The following L3MBTL4 variants were observed in gnomAD, a reference collection of about 807,000 sequenced individuals.
L3MBTL4 encodes L3MBTL histone methyl-lysine binding protein 4.
A neutral mutation model predicts 84.5 loss-of-function variants in L3MBTL4; 70 were observed. The ratio of observed to expected loss-of-function variants is 0.83; its 90% CI spans 0.68 to 1.01. The LOEUF (loss-of-function observed/expected upper bound fraction) is 1.01, where lower values mean the gene tolerates loss of function less well. Among genes scored for constraint, L3MBTL4 ranks in the 50% least tolerant of loss-of-function variants. L3MBTL4 has a pLI of 0.00. For synonymous variants in L3MBTL4, 274 were observed against 259.8 expected (o/e 1.05, Z -0.52); for missense variants, 715 against 754.8 (o/e 0.95, Z 0.62).
chr18:6,285,809 ATATTATTATTAT>A (rs139613072), intron 4 of L3MBTL4, among the ~76,000 whole-genome samples: 5,920 of 143,192 alleles, frequency 0.041, 359 homozygotes, highest in African/African-American at 0.13. Flanking sequence ...TTTAAAAGAT[ATATTATTATTAT>A]TATTATTATT....
At chr18:6,371,530 A>G (rs868284877) in intron 1 of L3MBTL4, among the ~76,000 whole-genome samples, 4 of 152,030 alleles carry the variant, frequency 2.6e-5, no homozygotes, top group African/African-American at 7.3e-5. Flanking sequence ...AGGAAAGCCA[A>G]CTCTGCCTGG....
chr18:6,062,886 G>T (rs535042655), intron 16 of L3MBTL4, among the ~76,000 whole-genome samples: 1 of 151,534 alleles, frequency 6.6e-6, no homozygotes, highest in East Asian at 1.9e-4. Context: ...TGGTTACATG[G>T]ATGTTTTTTA....
intron 16 of L3MBTL4, chr18:6,030,225 T>C (rs1318340226): frequency 1.1e-6 from 1 of 913,766 alleles, no homozygotes; most frequent in African/African-American, 1.8e-5. Flanking sequence ...GGGAGGAAAC[T>C]GAAGGCTGAG....
chr18:6,237,443 A>ATT (rs1386641049), intron 10 of L3MBTL4, among the ~76,000 whole-genome samples: 1 of 132,038 alleles, frequency 7.6e-6, no homozygotes, highest in African/African-American at 3.0e-5. Flanking sequence ...TGCCTAGTAC[A>ATT]TCTTTTTTTT....
At chr18:6,260,544 C>A (rs1449919731) in intron 5 of L3MBTL4, 1 of 151,964 alleles carries the variant, frequency 6.6e-6, no homozygotes, top group Non-Finnish European at 1.5e-5. Flanking sequence ...CTGTGTGTGC[C>A]TATTGTAATT....
intron 16 of L3MBTL4, chr18:6,030,989 C>A: frequency 2.0e-6 from 2 of 985,266 alleles, no homozygotes; most frequent in Non-Finnish European, 2.4e-6. Flanking sequence ...ACAATTTCAT[C>A]TTTCCCTTTA....
At chr18:6,076,948 G>A (rs1044209454) in intron 16 of L3MBTL4, among the ~76,000 whole-genome samples, 1 of 152,124 alleles carries the variant, frequency 6.6e-6, no homozygotes, top group Non-Finnish European at 1.5e-5. Context: ...GTCTAACGGC[G>A]ACAGGACAGA....
chr18:6,295,738 G>A (rs9961152), intron 4 of L3MBTL4, among the ~76,000 whole-genome samples: 83 of 152,218 alleles, frequency 5.5e-4, no homozygotes, highest in African/African-American at 1.9e-3. Context: ...ATCCTCCACT[G>A]AGTGTCATGG....
intron 1 of L3MBTL4, among the ~76,000 whole-genome samples, chr18:6,401,260 C>A (rs1417927695): frequency 6.6e-6 from 1 of 152,116 alleles, no homozygotes; most frequent in Non-Finnish European, 1.5e-5. Context: ...AATAACAGCA[C>A]GTGGCACATA....
intron 3 of L3MBTL4, among the ~76,000 whole-genome samples, chr18:6,308,753 CT>C (rs1014754908): frequency 4.0e-5 from 6 of 151,160 alleles, no homozygotes; most frequent in Admixed American, 1.3e-4. Flanking sequence ...TTTTAGCTGT[CT>C]TTTTTTTTCT....
intron 5 of L3MBTL4, chr18:6,259,959 T>G (rs1419468635): frequency 2.6e-5 from 4 of 152,248 alleles, no homozygotes; most frequent in African/African-American, 9.6e-5. Flanking sequence ...TGATTTAGTT[T>G]TTGTATATGG....
rs370699567 is a variant in L3MBTL4, at chr18:6,231,762, A to C, written c.784+6202T>G. On this transcript the variant is annotated intron_variant, in intron 10 of 18. Coordinates refer to ENST00000317931, the MANE Select transcript of L3MBTL4 (RefSeq NM_001330559.2). ...TTGTGTGTTGATTTTGTATCCTGCC[A>C]TTTTGTTGAATTGGTTTATTAGTTC... Among the ~76,000 whole-genome samples, 232 of 152,180 alleles carry C rather than the reference A, an allele frequency of 1.5e-3. 1 individual carries two copies. The Middle Eastern group carries it at 0.027, about 18-fold the overall frequency.
intron 1 of L3MBTL4, among the ~76,000 whole-genome samples, chr18:6,339,744 G>A (rs893074782): frequency 6.6e-6 from 1 of 151,588 alleles, no homozygotes; most frequent in African/African-American, 2.4e-5. Context: ...TATCAGGCAG[G>A]GAAAGGAAGG....
intron 1 of L3MBTL4, among the ~76,000 whole-genome samples, chr18:6,328,736 T>C (rs1469977071): frequency 1.3e-5 from 2 of 152,196 alleles, no homozygotes; most frequent in African/African-American, 2.4e-5. Flanking sequence ...TTTTCTAATC[T>C]GATGTGGTGA....
chr18:6,377,153 T>C (rs1426018390), intron 1 of L3MBTL4, among the ~76,000 whole-genome samples: 1 of 152,146 alleles, frequency 6.6e-6, no homozygotes, highest in Admixed American at 6.5e-5. Flanking sequence ...CTGTGTTGTA[T>C]TTTGTTTATT....
rs140895911 is a variant in L3MBTL4, at chr18:6,213,268, GTTA to G, written c.871-12_871-10del. The G allele has an allele frequency of 0.01, 15,022 of 1,477,614 alleles. 1,190 individuals carry two copies. The African/African-American group carries it at 0.18, about 18-fold the overall frequency. The allele number at this position is 1,477,614 out of a possible 1,614,324, so 91.5% of individuals were successfully genotyped here. ...AAACCATGAGGCAACCTCTGTAAAT[GTTA>G]TTATAAGTACAACAAATCATGCAAA... On this transcript the variant is annotated splice_polypyrimidine_tract_variant and intron_variant, in intron 11 of 18. Transcript: ENST00000317931.
intron 4 of L3MBTL4, among the ~76,000 whole-genome samples, chr18:6,298,872 C>T (rs1327615051): frequency 6.6e-6 from 1 of 151,526 alleles, no homozygotes; most frequent in African/African-American, 2.4e-5. Flanking sequence ...GAAATTCTGT[C>T]CAAAAAAAAA....
intron 1 of L3MBTL4, among the ~76,000 whole-genome samples, chr18:6,332,440 T>G (rs2052087712): frequency 6.6e-6 from 1 of 152,202 alleles, no homozygotes; most frequent in African/African-American, 2.4e-5. Flanking sequence ...CTGAGTCACA[T>G]GGTTCCAGGG....
At chr18:6,119,311 T>TTCG (rs2059455786) in intron 14 of L3MBTL4, among the ~76,000 whole-genome samples, 1 of 152,138 alleles carries the variant, frequency 6.6e-6, no homozygotes, top group Non-Finnish European at 1.5e-5. Flanking sequence ...ACCATGAAAA[T>TTCG]GCAAACAGCC....
Sources: gnomAD v4.1 joint callset for allele counts (sites outside exome capture counted in the v4.1 genomes callset) on GRCh38, gnomAD v4.1.1 for gene constraint, MANE v1.5 for transcripts, NCBI Gene and HGNC (gene_info 2026-07-23, HGNC 2026-07-21) for gene names.